TPH1: variants seen among roughly 807,000 people sequenced by gnomAD.
TPH1 encodes tryptophan 5-hydroxylase 1.
Under a neutral mutation model 49.5 loss-of-function variants are expected in TPH1, and 37 were observed. The observed-to-expected ratio is 0.75, with a 90% CI of 0.58 to 0.98. The LOEUF is 0.98. TPH1 is among the 50% of genes least tolerant of loss of function. The pLI is 0.00. For synonymous variants in TPH1, 160 were observed against 182.1 expected (o/e 0.88, Z 0.98); for missense variants, 487 against 523.6 (o/e 0.93, Z 0.68).
In TPH1 at chr11:18,030,033, T is replaced by C. The variant is rs919179074; in HGVS notation, c.403-454A>G. 3.3e-5 allele frequency among the ~76,000 whole-genome samples: 5 copies of C among 152,012 alleles called. No homozygotes were observed. The East Asian group carries it at 9.6e-4, about 29-fold the overall frequency. On this transcript the variant is annotated intron_variant, in intron 4 of 10. Transcript: ENST00000682019. ...GATTTTATCACAAAATGCAAATATA[T>C]TTGCCATTTGCAGAAACAATGATGA...
At position 18,040,797 on chromosome 11, in the gene TPH1, T is replaced by G. The variant is rs376786822; in HGVS notation, c.-26-9A>C. 2 of 1,605,576 alleles carry G rather than the reference T, an allele frequency of 1.2e-6. No individual in the cohort carries two copies. The highest frequency in any genetic ancestry group is 2.2e-5 in the South Asian group (2 of 90,710). On this transcript the variant is annotated splice_polypyrimidine_tract_variant and intron_variant, in intron 1 of 10. Coordinates refer to ENST00000682019, the MANE Select transcript of TPH1 (RefSeq NM_004179.3). ...GGAGTAATTCTCTAAAACTAAAGTA[T>G]GAAAACAAAGACTACGGGCTAAAAA...
At chr11:18,042,531 A>G in intron 1 of TPH1, 1 of 314,448 alleles carries the variant, frequency 3.2e-6, no homozygotes, top group Non-Finnish European at 6.2e-6. Flanking sequence ...TAATCTTTAT[A>G]TGTATCAACC....
Position 18,031,346 on chromosome 11 carries a change from G to A in TPH1, c.403-1767C>T, listed in dbSNP as rs112884148. Among the ~76,000 whole-genome samples, 657 of 152,134 alleles carry A rather than the reference G, an allele frequency of 4.3e-3. 3 individuals are homozygous for A. Among genetic ancestry groups the A allele is most frequent in the African/African-American group, 0.015 (629 of 41,502 alleles). ...ATATTTGCTTATATAAATATACCAT[G>A]CTTCATCCATTTATCAGTTAATGGA... On this transcript the variant is annotated intron_variant, in intron 4 of 10. Coordinates refer to ENST00000682019, the MANE Select transcript of TPH1 (RefSeq NM_004179.3).
At chr11:18,032,101 A>G (rs766618350) in intron 4 of TPH1, among the ~76,000 whole-genome samples, 1 of 152,134 alleles carries the variant, frequency 6.6e-6, no homozygotes, top group Admixed American at 6.5e-5. Context: ...GGTCACATTC[A>G]CACAGCTAAC....
intron 1 of TPH1, among the ~76,000 whole-genome samples, chr11:18,044,229 C>T (rs1166495147): frequency 6.6e-6 from 1 of 152,144 alleles, no homozygotes; most frequent in African/African-American, 2.4e-5. Context: ...CGAGACCATC[C>T]TGGCCAACAT....
At chr11:18,028,194 C>G (rs1223490794) in intron 6 of TPH1, among the ~76,000 whole-genome samples, 1 of 152,180 alleles carries the variant, frequency 6.6e-6, no homozygotes, top group Non-Finnish European at 1.5e-5. Context: ...CTGGATCAAA[C>G]AAATATAAAG....
In TPH1 at chr11:18,040,667, T is replaced by G. The variant is rs191316407; in HGVS notation, c.96A>C (p.Ile32=). Residue 32 remains isoleucine (I), a synonymous_variant, in exon 2 of 11, where the codon ATA becomes ATC. Coordinates refer to ENST00000682019, the MANE Select transcript of TPH1 (RefSeq NM_004179.3). ...FSLKNEVGGL[I]KALKIFQEKH... is the part of the protein sequence containing the mutation. ...TTACCTGAAAGATTTTCAGGGCTTT[T>G]ATAAGTCCTCCAACTTCATTCTTTA... The G allele has an allele frequency of 6.2e-7, 1 of 1,612,210 alleles. No homozygotes were observed. Among genetic ancestry groups the G allele is most frequent in the Non-Finnish European group, 8.5e-7 (1 of 1,179,192 alleles).
At chr11:18,021,732 C>A (rs1048577637) in intron 10 of TPH1, among the ~76,000 whole-genome samples, 2 of 152,094 alleles carry the variant, frequency 1.3e-5, no homozygotes, top group African/African-American at 4.8e-5. Flanking sequence ...TCCCTCTAGG[C>A]CCCTTTCAAA....
intron 4 of TPH1, among the ~76,000 whole-genome samples, chr11:18,031,004 C>A (rs1364803671): frequency 1.3e-5 from 2 of 151,994 alleles, no homozygotes; most frequent in Non-Finnish European, 2.9e-5. Flanking sequence ...ATAAAATAAC[C>A]ATTCAGTGGT....
intron 3 of TPH1, among the ~76,000 whole-genome samples, chr11:18,034,144 A>T (rs1015515131): frequency 2.6e-5 from 4 of 152,206 alleles, no homozygotes; most frequent in African/African-American, 7.2e-5. Flanking sequence ...GGTGGAGACT[A>T]TATCTTTTTG....
At position 18,029,313 on chromosome 11, in the gene TPH1, G is replaced by A. The variant is rs1190902186; in HGVS notation, c.519C>T (p.Thr173=). Residue 173 remains threonine (T), a synonymous_variant, in exon 6 of 11, where the codon ACC becomes ACT. Transcript: ENST00000682019. ...KVEFTEEEIK[T]WGTVFQELNK... ...TGAGCTCTTGGAATACGGTTCCCCA[G>A]GTCTTAATCTCCTCTTCAGTGAATT... is the stretch of plus-strand genomic sequence containing the variant. 1.9e-6 allele frequency: 3 copies of A among 1,614,062 alleles called. No homozygotes were observed. In the East Asian group the frequency reaches 6.7e-5, roughly 36 times the overall value.
chr11:18,045,219 A>G (rs1260455406), intron 1 of TPH1, among the ~76,000 whole-genome samples: 1 of 152,218 alleles, frequency 6.6e-6, no homozygotes, highest in Admixed American at 6.5e-5. Context: ...GAGGGAGGGA[A>G]TCCTCTACGG....
At chr11:18,038,418 ATCTT>A (rs1019806483) in intron 2 of TPH1, among the ~76,000 whole-genome samples, 3 of 152,234 alleles carry the variant, frequency 2.0e-5, no homozygotes, top group African/African-American at 7.2e-5. Context: ...GGGAAAAAGA[ATCTT>A]TATAGCACAA....
chr11:18,033,417 T>G (rs1848012178), intron 3 of TPH1, 43 bp from the exon 4 acceptor site: 7 of 1,396,192 alleles, frequency 5.0e-6, no homozygotes, highest in Non-Finnish European at 7.1e-6. Context: ...CAGTAAAAGT[T>G]GAAGAGATAA....
Position 18,021,406 on chromosome 11 carries a change from T to C in TPH1, c.1161-241A>G, listed in dbSNP as rs553395121. Among the ~76,000 whole-genome samples the C allele has an allele frequency of 2.0e-4, 31 of 152,336 alleles. No homozygotes were observed. In the South Asian group the frequency reaches 4.8e-3, roughly 23 times the overall value. On this transcript the variant is annotated intron_variant, in intron 10 of 10. Coordinates refer to ENST00000682019, the MANE Select transcript of TPH1 (RefSeq NM_004179.3). ...AGTACTTTACATTATAAAGTAGTTG[T>C]AAATCCCTGGTATTACTAGGGAAAG...
chr11:18,029,634 G>T, intron 4 of TPH1, 55 bp from the exon 5 acceptor site: 2 of 1,405,938 alleles, frequency 1.4e-6, no homozygotes, highest in Non-Finnish European at 1.0e-6. Flanking sequence ...CTTGACAAAT[G>T]ATATTTGGGA....
chr11:18,038,996 A>G (rs907674013), intron 2 of TPH1, among the ~76,000 whole-genome samples: 8 of 151,142 alleles, frequency 5.3e-5, no homozygotes, highest in African/African-American at 1.9e-4. Context: ...GAAAAGACAT[A>G]TAAGAGCAAT....
At chr11:18,029,053 C>T in intron 6 of TPH1, 112 bp downstream of exon 6, 1 of 744,336 alleles carries the variant, frequency 1.3e-6, no homozygotes, top group Non-Finnish European at 2.1e-6. Context: ...GTACTCCAGC[C>T]TGGGCAACAG....
chr11:18,044,141 T>G (rs115808301), intron 1 of TPH1, among the ~76,000 whole-genome samples: 3,035 of 152,236 alleles, frequency 0.02, 79 homozygotes, highest in African/African-American at 0.069. Flanking sequence ...CATTATTATA[T>G]TAAGATGTAA....
Sources: allele counts gnomAD v4.1 joint callset (sites outside exome capture counted in the v4.1 genomes callset), GRCh38; gene constraint gnomAD v4.1.1; transcripts MANE v1.5; gene names NCBI Gene and HGNC (gene_info 2026-07-23, HGNC 2026-07-21).